The following MALRD1 variants were observed in gnomAD, a reference collection of about 807,000 sequenced individuals.
MALRD1 encodes MAM and LDL receptor class A domain containing 1, also known as MAM and LDL-receptor class A domain-containing protein 1.
Under a neutral mutation model 242.1 loss-of-function variants are expected in MALRD1, and 247 were observed. The ratio of observed to expected loss-of-function variants is 1.02; its 90% CI spans 0.92 to 1.13. The LOEUF (loss-of-function observed/expected upper bound fraction) is 1.13, where lower values mean the gene tolerates loss of function less well. MALRD1 is among the 50% of genes most tolerant of loss of function. The pLI is 0.00. For synonymous variants in MALRD1, 995 were observed against 866.6 expected, an observed-to-expected ratio of 1.15 and a Z score of -2.60; for missense variants, 2,989 against 2,533.1, an observed-to-expected ratio of 1.18 and a Z score of -3.86.
intron 11 of MALRD1, among the ~76,000 whole-genome samples, chr10:19,152,843 C>T (rs1195166315): frequency 1.3e-5 from 2 of 151,960 alleles, no homozygotes; most frequent in Non-Finnish European, 2.9e-5. Context: ...CTCACCAGAC[C>T]TTTAAGATAA....
intron 19 of MALRD1, among the ~76,000 whole-genome samples, chr10:19,276,095 C>T (rs2131863960): frequency 6.6e-6 from 1 of 152,264 alleles, no homozygotes; most frequent in Non-Finnish European, 1.5e-5. Flanking sequence ...AAATCTTTGT[C>T]TTAAACTAAA....
In MALRD1 at chr10:19,548,139, A is replaced by G. The variant is rs918317024; in HGVS notation, c.5478+16788A>G. Among the ~76,000 whole-genome samples the G allele has an allele frequency of 5.3e-5, 8 of 150,506 alleles. No individual in the cohort carries two copies. The South Asian group carries it at 1.7e-3, about 32-fold the overall frequency. On this transcript the variant is annotated intron_variant, in intron 32 of 39. Transcript: ENST00000454679. ...CTCAGCCTGCCAAGTAGCTGGGATT[A>G]CAAGCATGCACCACCACCCCTGGCT...
intron 32 of MALRD1, among the ~76,000 whole-genome samples, chr10:19,564,927 G>A (rs1273318572): frequency 6.6e-6 from 1 of 152,082 alleles, no homozygotes. Flanking sequence ...TAATGAATAA[G>A]CAATGTTATG....
At chr10:19,080,258 G>A (rs1028499404) in intron 2 of MALRD1, among the ~76,000 whole-genome samples, 1 of 151,820 alleles carries the variant, frequency 6.6e-6, no homozygotes, top group Admixed American at 6.6e-5. Flanking sequence ...CACAAAATTG[G>A]AAGGAACTAT....
At chr10:19,654,080 G>A (rs1283117297) in intron 36 of MALRD1, among the ~76,000 whole-genome samples, 9 of 152,098 alleles carry the variant, frequency 5.9e-5, no homozygotes, top group Non-Finnish European at 1.3e-4. Flanking sequence ...GCTATTTAAA[G>A]CATAATATTG....
chr10:19,068,091 A>C (rs1835034706), intron 2 of MALRD1, among the ~76,000 whole-genome samples: 1 of 152,110 alleles, frequency 6.6e-6, no homozygotes, highest in South Asian at 2.1e-4. Flanking sequence ...CGGCCATTGC[A>C]GTCTTACAGA....
chr10:19,295,250 T>C (rs2131937164), intron 21 of MALRD1, among the ~76,000 whole-genome samples: 1 of 152,248 alleles, frequency 6.6e-6, no homozygotes, highest in East Asian at 1.9e-4. Context: ...AGACATTTGA[T>C]AAGTCTCAAT....
At chr10:19,109,026 C>T (rs1052280539) in intron 5 of MALRD1, among the ~76,000 whole-genome samples, 4 of 152,178 alleles carry the variant, frequency 2.6e-5, no homozygotes, top group Admixed American at 6.5e-5. Context: ...ACCTTTACTA[C>T]ACCTGTGCTT....
chr10:19,558,384 A>G (rs910714590), intron 32 of MALRD1, among the ~76,000 whole-genome samples: 2 of 152,258 alleles, frequency 1.3e-5, no homozygotes, highest in African/African-American at 4.8e-5. Flanking sequence ...TTCTTCGTCA[A>G]TATTCTTTAT....
chr10:19,160,041 A>G (rs547186686), intron 12 of MALRD1, among the ~76,000 whole-genome samples: 27 of 152,308 alleles, frequency 1.8e-4, no homozygotes, highest in African/African-American at 6.0e-4. Context: ...GAATGCAGTG[A>G]TTCAAAGTCA....
At chr10:19,147,596 A>G (rs1833767211) in intron 11 of MALRD1, among the ~76,000 whole-genome samples, 1 of 152,260 alleles carries the variant, frequency 6.6e-6, no homozygotes, top group South Asian at 2.1e-4. Context: ...CAATTATTAA[A>G]TACATAGCAT....
At chr10:19,389,632 C>T (rs1441511935) in intron 28 of MALRD1, 23 bp downstream of exon 28, 10 of 1,542,710 alleles carry the variant, frequency 6.5e-6, no homozygotes, top group Admixed American at 2.0e-5. Context: ...CCTGTGATGC[C>T]TCTGAGCTTG....
intron 18 of MALRD1, among the ~76,000 whole-genome samples, chr10:19,231,625 CT>C (rs1455742532): frequency 6.6e-6 from 1 of 152,176 alleles, no homozygotes; most frequent in African/African-American, 2.4e-5. Flanking sequence ...CACAAGCTTT[CT>C]TCTCTGCTAC....
At chr10:19,103,250 A>G (rs1171784470) in intron 4 of MALRD1, among the ~76,000 whole-genome samples, 1 of 152,106 alleles carries the variant, frequency 6.6e-6, no homozygotes, top group Non-Finnish European at 1.5e-5. Context: ...GATGACATCT[A>G]AGGCAAGAGT....
intron 28 of MALRD1, among the ~76,000 whole-genome samples, chr10:19,425,058 A>G (rs2130926802): frequency 6.6e-6 from 1 of 152,288 alleles, no homozygotes; most frequent in African/African-American, 2.4e-5. Context: ...CTTTTAAAAT[A>G]TGATAGTTTT....
chr10:19,337,923 G>A (rs570470464), intron 24 of MALRD1, among the ~76,000 whole-genome samples: 64 of 151,876 alleles, frequency 4.2e-4, no homozygotes, highest in Non-Finnish European at 7.4e-4. Context: ...TTAGCTGGGC[G>A]TGGTGACACA....
intron 12 of MALRD1, among the ~76,000 whole-genome samples, chr10:19,157,331 G>A (rs567802282): frequency 4.1e-4 from 61 of 148,262 alleles, no homozygotes; most frequent in Non-Finnish European, 7.9e-4. Flanking sequence ...GGAGTGCAGT[G>A]GCGCAATCTG....
rs144094546 is a variant in MALRD1, at chr10:19,509,227, T to G, written c.5320+10581T>G. On this transcript the variant is annotated intron_variant, in intron 31 of 39. Coordinates refer to ENST00000454679, the MANE Select transcript of MALRD1 (RefSeq NM_001142308.3). ...ATTGGGCAATACTCAGAACCAAAAG[T>G]GGTTCAGAGAGCTCCACCCTTCAGT... 1.5e-3 allele frequency among the ~76,000 whole-genome samples: 226 copies of G among 152,212 alleles called. 1 individual carries two copies. The highest frequency in any genetic ancestry group is 5.2e-3 in the African/African-American group (214 of 41,532).
intron 34 of MALRD1, among the ~76,000 whole-genome samples, chr10:19,601,012 G>A (rs1326810580): frequency 6.6e-6 from 1 of 151,878 alleles, no homozygotes; most frequent in African/African-American, 2.4e-5. Flanking sequence ...AGTCTCCCAA[G>A]CAGCACAGGC....
Sources: gnomAD v4.1 joint callset for allele counts (sites outside exome capture counted in the v4.1 genomes callset) on GRCh38, gnomAD v4.1.1 for gene constraint, MANE v1.5 for transcripts, NCBI Gene and HGNC (gene_info 2026-07-23, HGNC 2026-07-21) for gene names.